Variants in CFAP299 observed in about 807,000 individuals in gnomAD.
CFAP299 encodes cilia and flagella associated protein 299, also known as cilia- and flagella-associated protein 299.
In CFAP299, 21 loss-of-function variants were observed where a neutral mutation model predicts 27.0. The ratio of observed to expected loss-of-function variants is 0.78; its 90% CI spans 0.55 to 1.12. The LOEUF is 1.12. Ranked by LOEUF, CFAP299 falls within the 50% of genes most tolerant of loss-of-function variation. The probability of loss-of-function intolerance (pLI) is 0.00; values close to 1 mark genes in which losing one functional copy is unlikely to be tolerated. For missense variants in CFAP299, 310 were observed against 276.6 expected (o/e 1.12, Z -0.86); for synonymous variants, 104 against 98.1 (o/e 1.06, Z -0.36).
intron 1 of CFAP299, among the ~76,000 whole-genome samples, chr4:80,359,176 G>A (rs11943371): frequency 0.065 from 9,908 of 152,104 alleles, 793 homozygotes; most frequent in African/African-American, 0.19. Flanking sequence ...TAGAGTTTCT[G>A]CTGAAAGGTC....
intron 2 of CFAP299, among the ~76,000 whole-genome samples, chr4:80,421,282 G>GA (rs1231175490): frequency 6.6e-6 from 1 of 152,160 alleles, no homozygotes; most frequent in African/African-American, 2.4e-5. Context: ...TCTCCTTGAA[G>GA]ACACAGACTT....
intron 3 of CFAP299, among the ~76,000 whole-genome samples, chr4:80,789,930 G>A (rs1179539904): frequency 6.6e-6 from 1 of 151,890 alleles, no homozygotes; most frequent in Non-Finnish European, 1.5e-5. Context: ...CCACTAGTAG[G>A]CAGACAAATA....
At chr4:80,535,553 G>A (rs1054605102) in intron 2 of CFAP299, among the ~76,000 whole-genome samples, 5 of 145,514 alleles carry the variant, frequency 3.4e-5, no homozygotes, top group Non-Finnish European at 6.0e-5. Flanking sequence ...TCACTCTCTA[G>A]CCATGTTTCT....
intron 2 of CFAP299, chr4:80,388,577 A>G: frequency 1.4e-6 from 2 of 1,433,112 alleles, no homozygotes; most frequent in Non-Finnish European, 2.0e-6. Flanking sequence ...CTCATCATCC[A>G]ATGGCTGGAT....
intron 3 of CFAP299, among the ~76,000 whole-genome samples, chr4:80,690,517 C>A (rs1411764569): frequency 1.3e-5 from 2 of 151,498 alleles, no homozygotes; most frequent in South Asian, 2.1e-4. Context: ...CACAACATAC[C>A]AGAATCTCTG....
chr4:80,885,733 C>A (rs187689692), intron 4 of CFAP299, among the ~76,000 whole-genome samples: 24 of 152,296 alleles, frequency 1.6e-4, no homozygotes, highest in Admixed American at 1.2e-3. Flanking sequence ...AGGGAGTATG[C>A]TATGGGGCTT....
At chr4:80,835,422 T>TGGATCTG (rs1349667871) in intron 3 of CFAP299, among the ~76,000 whole-genome samples, 1 of 151,586 alleles carries the variant, frequency 6.6e-6, no homozygotes, top group Non-Finnish European at 1.5e-5. Flanking sequence ...TTTGGTTCAG[T>TGGATCTG]GGATCTGGAG....
chr4:80,694,216 T>G (rs942574677), intron 3 of CFAP299, among the ~76,000 whole-genome samples: 1 of 152,158 alleles, frequency 6.6e-6, no homozygotes, highest in African/African-American at 2.4e-5. Flanking sequence ...TTCACCTGAA[T>G]AAATAGTACC....
At chr4:80,542,874 C>T (rs1364880089) in intron 2 of CFAP299, among the ~76,000 whole-genome samples, 1 of 152,066 alleles carries the variant, frequency 6.6e-6, no homozygotes, top group Non-Finnish European at 1.5e-5. Context: ...CCTGATGCCC[C>T]ACCAGAGTGC....
intron 4 of CFAP299, among the ~76,000 whole-genome samples, chr4:80,908,725 G>A (rs950277144): frequency 1.3e-5 from 2 of 152,108 alleles, no homozygotes; most frequent in Non-Finnish European, 2.9e-5. Flanking sequence ...TCATTCAATT[G>A]TTAATAGATA....
At chr4:80,823,205 G>A in intron 3 of CFAP299, among the ~76,000 whole-genome samples, 1 of 152,090 alleles carries the variant, frequency 6.6e-6, no homozygotes, top group Non-Finnish European at 1.5e-5. Context: ...AGAGGCTTAG[G>A]ACTCAGTTTG....
chr4:80,406,788 G>A (rs1170743991), intron 2 of CFAP299, among the ~76,000 whole-genome samples: 1 of 152,154 alleles, frequency 6.6e-6, no homozygotes, highest in South Asian at 2.1e-4. Context: ...ATTATCTATT[G>A]TGTTAAAGCT....
chr4:80,345,697 CA>C (rs1406999269), intron 1 of CFAP299, among the ~76,000 whole-genome samples: 15 of 152,228 alleles, frequency 9.9e-5, no homozygotes, highest in African/African-American at 3.6e-4. Flanking sequence ...ATGTTGGTTT[CA>C]AGTCTTTGCT....
chr4:80,409,786 G>A (rs1726620868), intron 2 of CFAP299, among the ~76,000 whole-genome samples: 1 of 152,138 alleles, frequency 6.6e-6, no homozygotes, highest in African/African-American at 2.4e-5. Context: ...GCATACATGA[G>A]TACAAAGCAA....
intron 4 of CFAP299, among the ~76,000 whole-genome samples, chr4:80,873,913 C>G (rs533363507): frequency 6.6e-6 from 1 of 152,250 alleles, no homozygotes; most frequent in South Asian, 2.1e-4. Context: ...ATACCCTTGA[C>G]CAGAAAATGA....
chr4:80,883,013 T>C (rs1289605518), intron 4 of CFAP299, among the ~76,000 whole-genome samples: 2 of 152,058 alleles, frequency 1.3e-5, no homozygotes, highest in Non-Finnish European at 2.9e-5. Flanking sequence ...ATAGATAAAA[T>C]ATAATAATGG....
chr4:80,464,840 GGATCCTGT>G (rs1242172216), intron 2 of CFAP299, among the ~76,000 whole-genome samples: 1 of 151,688 alleles, frequency 6.6e-6, no homozygotes, highest in Non-Finnish European at 1.5e-5. Flanking sequence ...AGAAAAACAA[GGATCCTGT>G]GAATTTCAGT....
intron 3 of CFAP299, among the ~76,000 whole-genome samples, chr4:80,591,155 G>A (rs1383488602): frequency 6.8e-5 from 8 of 118,288 alleles, no homozygotes; most frequent in African/African-American, 2.1e-4. Context: ...ACGGAGTCTC[G>A]CTCTGTCGCC....
At chr4:80,618,727 A>G (rs1560659314) in intron 3 of CFAP299, among the ~76,000 whole-genome samples, 1 of 152,074 alleles carries the variant, frequency 6.6e-6, no homozygotes, top group Non-Finnish European at 1.5e-5. Flanking sequence ...TTGCTACTAA[A>G]CTAAAAGATA....
Sources: allele counts gnomAD v4.1 joint callset (sites outside exome capture counted in the v4.1 genomes callset), GRCh38; gene constraint gnomAD v4.1.1; transcripts MANE v1.5; gene names NCBI Gene and HGNC (gene_info 2026-07-23, HGNC 2026-07-21).